Variants in MAGI2 observed in about 807,000 individuals in gnomAD.
MAGI2 encodes membrane associated guanylate kinase, WW and PDZ domain containing 2, also known as membrane-associated guanylate kinase, WW and PDZ domain-containing protein 2.
Under a neutral mutation model 133.3 loss-of-function variants are expected in MAGI2, and 35 were observed. That is an observed-to-expected ratio of 0.26 (90% CI 0.20 to 0.35). The LOEUF is 0.35. MAGI2 is among the 10% of genes least tolerant of loss of function. MAGI2 has a pLI of 1.00. For missense variants in MAGI2, 1,636 were observed against 1,863.4 expected, an observed-to-expected ratio of 0.88 and a Z score of 2.25; for synonymous variants, 729 against 710.6, an observed-to-expected ratio of 1.03 and a Z score of -0.41.
At chr7:78,122,433 T>A (rs917955360) in intron 20 of MAGI2, among the ~76,000 whole-genome samples, 1 of 152,164 alleles carries the variant, frequency 6.6e-6, no homozygotes, top group East Asian at 1.9e-4. Flanking sequence ...TTTTTGTGCA[T>A]TGATTGGTTG....
chr7:78,987,885 T>C (rs1805415363), intron 2 of MAGI2, among the ~76,000 whole-genome samples: 1 of 151,992 alleles, frequency 6.6e-6, no homozygotes, highest in South Asian at 2.1e-4. Flanking sequence ...AGATTTATAA[T>C]TATATATCTT....
chr7:78,125,590 A>G, intron 20 of MAGI2, 104 bp downstream of exon 20: 1 of 1,238,354 alleles, frequency 8.1e-7, no homozygotes, highest in South Asian at 1.7e-5. Context: ...AAGAGGGCAA[A>G]CCTACAGCAA....
chr7:79,382,351 G>C (rs562599017), intron 1 of MAGI2, among the ~76,000 whole-genome samples: 1 of 151,580 alleles, frequency 6.6e-6, no homozygotes, highest in South Asian at 2.1e-4. Flanking sequence ...ATATTCTCCT[G>C]GAAGTATAAT....
chr7:78,062,414 T>G (rs139564221), intron 21 of MAGI2, among the ~76,000 whole-genome samples: 8 of 152,338 alleles, frequency 5.3e-5, no homozygotes, highest in African/African-American at 1.9e-4. Context: ...GTGCCTGGCA[T>G]TGCGCCAGTC....
chr7:79,286,066 C>A (rs1270150225), intron 1 of MAGI2, among the ~76,000 whole-genome samples: 1 of 151,916 alleles, frequency 6.6e-6, no homozygotes, highest in East Asian at 1.9e-4. Context: ...TTGGAAACAA[C>A]TACCTTTCCT....
chr7:78,917,913 A>T (rs964342714), intron 2 of MAGI2, among the ~76,000 whole-genome samples: 10 of 152,204 alleles, frequency 6.6e-5, no homozygotes, highest in African/African-American at 1.9e-4. Context: ...AGAATGGTGC[A>T]TTGAGCTTCC....
intron 1 of MAGI2, among the ~76,000 whole-genome samples, chr7:79,243,590 G>T (rs540807160): frequency 3.9e-5 from 6 of 152,222 alleles, no homozygotes; most frequent in African/African-American, 1.4e-4. Context: ...CTGGAAAAAA[G>T]AATTTTAAAT....
At chr7:78,758,612 C>T (rs941365585) in intron 2 of MAGI2, among the ~76,000 whole-genome samples, 16 of 152,158 alleles carry the variant, frequency 1.1e-4, no homozygotes, top group Admixed American at 7.9e-4. Flanking sequence ...AAACAAACAG[C>T]TTCATGACCA....
intron 6 of MAGI2, among the ~76,000 whole-genome samples, chr7:78,392,422 T>G (rs1217034358): frequency 6.6e-6 from 1 of 152,146 alleles, no homozygotes; most frequent in Non-Finnish European, 1.5e-5. Context: ...GTGGTGTTTG[T>G]AAATTTTAAG....
intron 1 of MAGI2, among the ~76,000 whole-genome samples, chr7:79,229,429 A>T (rs1831159913): frequency 6.6e-6 from 1 of 152,220 alleles, no homozygotes; most frequent in African/African-American, 2.4e-5. Context: ...AGATCGGCAT[A>T]GAAGGGGGAA....
At chr7:78,100,732 G>A (rs1014597369) in intron 20 of MAGI2, among the ~76,000 whole-genome samples, 2 of 149,952 alleles carry the variant, frequency 1.3e-5, no homozygotes, top group Non-Finnish European at 3.0e-5. Context: ...TTATTTTGAG[G>A]CATACAGACT....
chr7:78,580,922 C>A (rs1802769457), intron 3 of MAGI2, among the ~76,000 whole-genome samples: 1 of 152,150 alleles, frequency 6.6e-6, no homozygotes, highest in African/African-American at 2.4e-5. Context: ...AAGATAATGA[C>A]ATCACAAATG....
intron 12 of MAGI2, among the ~76,000 whole-genome samples, chr7:78,189,880 C>T (rs1828045282): frequency 6.6e-6 from 1 of 152,176 alleles, no homozygotes; most frequent in Non-Finnish European, 1.5e-5. Flanking sequence ...TGTATCAACA[C>T]ACCCATCAGA....
intron 6 of MAGI2, among the ~76,000 whole-genome samples, chr7:78,468,419 T>C (rs146502569): frequency 3.9e-5 from 6 of 152,202 alleles, no homozygotes; most frequent in African/African-American, 1.4e-4. Flanking sequence ...TTCAAATTAT[T>C]CTATGTGTGT....
At chr7:79,435,629 T>C (rs1848083521) in intron 1 of MAGI2, among the ~76,000 whole-genome samples, 3 of 152,282 alleles carry the variant, frequency 2.0e-5, no homozygotes, top group Admixed American at 2.0e-4. Context: ...ATAAAAAGTT[T>C]TTTATTCCAT....
At chr7:78,780,522 A>G (rs10250784) in intron 2 of MAGI2, among the ~76,000 whole-genome samples, 63,988 of 152,122 alleles carry the variant, frequency 0.42, 13,704 homozygotes, top group Non-Finnish European at 0.47. Flanking sequence ...GATTACTAGT[A>G]TTTCTCTTTC....
At chr7:78,651,861 A>C (rs1811611010) in intron 2 of MAGI2, among the ~76,000 whole-genome samples, 1 of 152,086 alleles carries the variant, frequency 6.6e-6, no homozygotes, top group African/African-American at 2.4e-5. Flanking sequence ...TAGAAAATAC[A>C]ACAACAAAGA....
At chr7:78,215,425 G>GA (rs1177693797) in intron 10 of MAGI2, among the ~76,000 whole-genome samples, 3 of 152,310 alleles carry the variant, frequency 2.0e-5, no homozygotes, top group African/African-American at 7.2e-5. Context: ...GCCATCTGTG[G>GA]ACTTGGGTCA....
intron 1 of MAGI2, among the ~76,000 whole-genome samples, chr7:79,037,574 TAA>T (rs995356803): frequency 2.1e-4 from 32 of 152,266 alleles, no homozygotes; most frequent in African/African-American, 7.7e-4. Flanking sequence ...TTAGTTCCAC[TAA>T]GAGTAATTGT....
Sources: allele counts gnomAD v4.1 joint callset (sites outside exome capture counted in the v4.1 genomes callset), GRCh38; gene constraint gnomAD v4.1.1; transcripts MANE v1.5; gene names NCBI Gene and HGNC (gene_info 2026-07-23, HGNC 2026-07-21).